The following CATSPERB variants were observed in gnomAD, a reference collection of about 807,000 sequenced individuals.
CATSPERB encodes the protein catsper channel auxiliary subunit beta, also known as cation channel sperm-associated auxiliary subunit beta.
In CATSPERB, 93 loss-of-function variants were observed where a neutral mutation model predicts 128.3. The ratio of observed to expected loss-of-function variants is 0.72; its 90% confidence interval spans 0.61 to 0.86. The LOEUF is 0.86. CATSPERB is among the 40% of genes least tolerant of loss of function. The pLI, the probability that CATSPERB is intolerant of heterozygous loss-of-function variation, is 0.00. For synonymous variants in CATSPERB, 381 were observed against 448.8 expected (o/e 0.85, Z 1.91); for missense variants, 1,153 against 1,329.5 (o/e 0.87, Z 2.06).
intron 2 of CATSPERB, among the ~76,000 whole-genome samples, chr14:91,726,624 T>C (rs1896124317): frequency 6.6e-6 from 1 of 152,164 alleles, no homozygotes; most frequent in South Asian, 2.1e-4. Context: ...TTTGAAGGCA[T>C]AGACAAAGAA....
chr14:91,621,958 AC>A (rs777109558), intron 18 of CATSPERB, 21 bp from the exon 19 acceptor site: 2 of 1,494,836 alleles, frequency 1.3e-6, no homozygotes, highest in Admixed American at 2.1e-5. Flanking sequence ...AACAGAAGAG[AC>A]TTGGTATTAA....
At chr14:91,596,433 G>C (rs910732474) in intron 22 of CATSPERB, among the ~76,000 whole-genome samples, 3 of 152,104 alleles carry the variant, frequency 2.0e-5, no homozygotes, top group Admixed American at 6.6e-5. Context: ...TCAATCTCCT[G>C]ACCTTGTGAT....
intron 11 of CATSPERB, among the ~76,000 whole-genome samples, chr14:91,682,324 T>C (rs1257898898): frequency 6.6e-6 from 1 of 152,166 alleles, no homozygotes; most frequent in African/African-American, 2.4e-5. Context: ...GGATATGCTG[T>C]ACACAGTGGT....
intron 7 of CATSPERB, among the ~76,000 whole-genome samples, chr14:91,695,403 T>C (rs1270583500): frequency 6.6e-6 from 1 of 152,160 alleles, no homozygotes; most frequent in East Asian, 1.9e-4. Context: ...AGTTCTGAAA[T>C]TACAGGTGTG....
chr14:91,658,023 C>T (rs1894814866), intron 15 of CATSPERB, among the ~76,000 whole-genome samples: 1 of 151,986 alleles, frequency 6.6e-6, no homozygotes, highest in Non-Finnish European at 1.5e-5. Flanking sequence ...TCCAGCAATC[C>T]CACTGCTAGG....
chr14:91,619,091 G>A (rs547542120), intron 19 of CATSPERB, among the ~76,000 whole-genome samples: 2 of 152,148 alleles, frequency 1.3e-5, no homozygotes, highest in East Asian at 3.9e-4. Flanking sequence ...TATTTTAAAG[G>A]GAAAATAATT....
chr14:91,692,892 C>T (rs1010947961), intron 9 of CATSPERB, among the ~76,000 whole-genome samples: 8 of 152,080 alleles, frequency 5.3e-5, no homozygotes, highest in African/African-American at 1.7e-4. Flanking sequence ...TGCATGTATA[C>T]ATTTAAAACT....
At chr14:91,607,102 T>C (rs1367763779) in intron 22 of CATSPERB, among the ~76,000 whole-genome samples, 2 of 95,728 alleles carry the variant, frequency 2.1e-5, no homozygotes, top group African/African-American at 7.5e-5. Flanking sequence ...GGGGGGGCGG[T>C]GAATGTGTAT....
intron 22 of CATSPERB, among the ~76,000 whole-genome samples, chr14:91,594,202 T>A (rs1352088253): frequency 6.6e-6 from 1 of 152,080 alleles, no homozygotes; most frequent in African/African-American, 2.4e-5. Context: ...CTGGAAACCA[T>A]CATTCTCAGC....
chr14:91,594,362 G>A (rs1419009426), intron 22 of CATSPERB, among the ~76,000 whole-genome samples: 1 of 151,888 alleles, frequency 6.6e-6, no homozygotes, highest in Non-Finnish European at 1.5e-5. Flanking sequence ...AGCATTAGGA[G>A]ATATACCTAA....
chr14:91,722,374 A>G (rs1054800214), intron 4 of CATSPERB, among the ~76,000 whole-genome samples: 1 of 152,236 alleles, frequency 6.6e-6, no homozygotes, highest in African/African-American at 2.4e-5. Context: ...TAACTGAAAC[A>G]TATGCTAACT....
At chr14:91,581,615 G>T (rs548121893) in intron 26 of CATSPERB, among the ~76,000 whole-genome samples, 3 of 152,330 alleles carry the variant, frequency 2.0e-5, no homozygotes, top group East Asian at 3.9e-4. Flanking sequence ...GCCAGTATAG[G>T]TAACTTTTTA....
intron 23 of CATSPERB, 78 bp from the exon 24 acceptor site, chr14:91,589,747 G>T: frequency 3.6e-6 from 5 of 1,375,970 alleles, no homozygotes; most frequent in Non-Finnish European, 2.0e-6. Flanking sequence ...AAAACGAAAA[G>T]ATATATTGCC....
chr14:91,708,460 G>A (rs1595187864), intron 5 of CATSPERB, among the ~76,000 whole-genome samples: 2 of 152,232 alleles, frequency 1.3e-5, no homozygotes, highest in South Asian at 4.2e-4. Context: ...AATGAATCTA[G>A]ATACTAATAT....
intron 5 of CATSPERB, among the ~76,000 whole-genome samples, chr14:91,714,443 A>G (rs1423792020): frequency 6.6e-6 from 1 of 152,066 alleles, no homozygotes; most frequent in African/African-American, 2.4e-5. Context: ...AGATTGCAGG[A>G]TACAAGATCA....
rs775203748 is a variant in CATSPERB, at chr14:91,610,551, T to C, written c.2527A>G (p.Ile843Val). The C allele has an allele frequency of 2.5e-6, 4 of 1,614,064 alleles. No individual in the cohort carries two copies. The highest frequency in any genetic ancestry group is 4.5e-5 in the East Asian group (2 of 44,876). The change falls in exon 21 of 27, where the codon ATC becomes GTC. Residue 843 changes from isoleucine (I) to valine (V), a missense_variant. By Grantham distance (29) the Ile-to-Val change is conservative (BLOSUM62 3). Coordinates refer to ENST00000256343, the MANE Select transcript of CATSPERB (RefSeq NM_024764.4). The stretch of plus-strand genomic sequence containing the variant: ...CCACTAATCCAGTCTTCAAATGGGA[T>C]AAATTTGCTAGGAATGTGATGCATA... ...RSMHHIPSKF[I>V]PFEDWISGVH...
At chr14:91,589,199 C>T (rs1008584752) in intron 24 of CATSPERB, among the ~76,000 whole-genome samples, 1 of 152,208 alleles carries the variant, frequency 6.6e-6, no homozygotes. Context: ...CCTCCTCTGT[C>T]ACACTGAATG....
chr14:91,647,682 G>A (rs1723044600), intron 15 of CATSPERB, among the ~76,000 whole-genome samples: 1 of 152,106 alleles, frequency 6.6e-6, no homozygotes, highest in Admixed American at 6.6e-5. Flanking sequence ...GATCTTGTGA[G>A]ACTTATTCAC....
chr14:91,726,717 G>C (rs1896125658), intron 2 of CATSPERB, among the ~76,000 whole-genome samples: 1 of 152,172 alleles, frequency 6.6e-6, no homozygotes, highest in Admixed American at 6.5e-5. Context: ...GTGAGGGAGG[G>C]GAAGGGGCTA....
Sources: gnomAD v4.1 joint callset for allele counts (sites outside exome capture counted in the v4.1 genomes callset) on GRCh38, gnomAD v4.1.1 for gene constraint, MANE v1.5 for transcripts, NCBI Gene and HGNC (gene_info 2026-07-23, HGNC 2026-07-21) for gene names.